PJVK: variants seen among roughly 807,000 people sequenced by gnomAD.
PJVK encodes the protein autosomal recessive deafness type 59 protein.
A neutral mutation model predicts 37.6 loss-of-function variants in PJVK; 33 were observed. That is an observed-to-expected ratio of 0.88 (90% confidence interval 0.67 to 1.17). The LOEUF (loss-of-function observed/expected upper bound fraction) is 1.17, where lower values mean the gene tolerates loss of function less well. Among genes scored for constraint, PJVK ranks in the 50% most tolerant of loss-of-function variants. PJVK has a pLI of 0.00. For missense variants in PJVK, 410 were observed against 413.8 expected (o/e 0.99, Z 0.08); for synonymous variants, 141 against 143.5 (o/e 0.98, Z 0.13).
intron 4 of PJVK, among the ~76,000 whole-genome samples, chr2:178,457,756 G>A (rs1034743268): frequency 4.6e-5 from 7 of 152,112 alleles, no homozygotes; most frequent in African/African-American, 1.7e-4. Flanking sequence ...AGGACTTGGC[G>A]GGGACACCTT....
intron 1 of PJVK, 44 bp from the exon 2 acceptor site, chr2:178,453,344 G>T: frequency 6.6e-7 from 1 of 1,511,564 alleles, no homozygotes; most frequent in Non-Finnish European, 9.2e-7. Flanking sequence ...TTAATTTTGT[G>T]CCTGATTTTC....
Position 178,461,676 on chromosome 2 carries a change from C to T in PJVK, c.*402C>T, listed in dbSNP as rs1379544201. On this transcript the variant is annotated 3_prime_UTR_variant, in exon 7 of 7. Coordinates refer to ENST00000644580, the MANE Select transcript of PJVK (RefSeq NM_001042702.5). ...CTCAGCTCACTGCAACCTCTGCCTC[C>T]TGGGTTCAAGCAATTCTCTGCCTCA... Among the ~76,000 whole-genome samples the T allele has an allele frequency of 6.6e-6, 1 of 150,816 alleles. No homozygotes were observed. Among genetic ancestry groups the T allele is most frequent in the African/African-American group, 2.4e-5 (1 of 40,984 alleles).
intron 5 of PJVK, among the ~76,000 whole-genome samples, chr2:178,458,931 A>T (rs1353383460): frequency 6.6e-6 from 1 of 152,152 alleles, no homozygotes; most frequent in African/African-American, 2.4e-5. Flanking sequence ...ACATGGGGAG[A>T]TAATAAATGA....
chr2:178,455,151 T>C (rs1170790800), intron 3 of PJVK: 1 of 1,600,634 alleles, frequency 6.2e-7, no homozygotes, highest in Non-Finnish European at 8.6e-7. Flanking sequence ...GACGGCAAGG[T>C]GGTGACTGTG....
chr2:178,460,287 C>A, intron 5 of PJVK, 61 bp from the exon 6 acceptor site: 1 of 1,315,554 alleles, frequency 7.6e-7, no homozygotes. Flanking sequence ...TTCATCACCC[C>A]ATCAAACAAT....
chr2:178,455,304 T>C, intron 3 of PJVK: 1 of 1,349,302 alleles, frequency 7.4e-7, no homozygotes, highest in Non-Finnish European at 1.1e-6. Flanking sequence ...GAAAAGACAA[T>C]CTATGACCAG....
intron 1 of PJVK, 46 bp from the exon 2 acceptor site, chr2:178,453,342 G>C: frequency 6.7e-7 from 1 of 1,498,416 alleles, no homozygotes. Context: ...GCTTAATTTT[G>C]TGCCTGATTT....
chr2:178,454,562 T>A, intron 3 of PJVK, 35 bp downstream of exon 3: 1 of 1,586,806 alleles, frequency 6.3e-7, no homozygotes, highest in Non-Finnish European at 8.6e-7. Flanking sequence ...TTCAGTGTTT[T>A]CATTAAATAC....
intron 3 of PJVK, among the ~76,000 whole-genome samples, chr2:178,455,591 T>C (rs948637757): frequency 5.3e-5 from 8 of 151,554 alleles, no homozygotes; most frequent in Admixed American, 3.9e-4. Flanking sequence ...GGGCTTGGGG[T>C]CTTGTCCTCC....
In PJVK at chr2:178,460,494, G is replaced by A. The variant is rs1247966288; in HGVS notation, c.766+48G>A. Reference sequence around the variant, plus strand: ...TGAATGTCTTTTTTTTTTCTTTCCTGGCTTAACACATGAGGTTTTCTATTC... The same window carrying A: ...TGAATGTCTTTTTTTTTTCTTTCCTAGCTTAACACATGAGGTTTTCTATTC... On this transcript the variant is annotated intron_variant, in intron 6 of 6. Transcript: ENST00000644580. 7 of 1,505,354 alleles carry A rather than the reference G, an allele frequency of 4.7e-6. No individual in the cohort carries two copies. In the Middle Eastern group the frequency reaches 5.1e-4, roughly 110 times the overall value. The allele number at this position is 1,505,354 out of a possible 1,614,324, so 93.2% of individuals were successfully genotyped here. A position where few individuals can be genotyped will look rare whatever the true frequency, so the allele number is the denominator to read the frequency against.
intron 5 of PJVK, chr2:178,460,046 T>A: frequency 3.0e-6 from 1 of 330,734 alleles, no homozygotes; most frequent in Admixed American, 4.5e-5. Flanking sequence ...TCTTTCTTTA[T>A]GCTTATAAAA....
intron 2 of PJVK, 21 bp downstream of exon 2, chr2:178,453,641 G>T (rs776760567): frequency 1.9e-6 from 3 of 1,588,382 alleles, no homozygotes; most frequent in Admixed American, 3.4e-5. Context: ...ATGTTTGGGA[G>T]TGCCAACTCA....
At chr2:178,458,110 A>G (rs1684247478) in intron 4 of PJVK, among the ~76,000 whole-genome samples, 1 of 152,196 alleles carries the variant, frequency 6.6e-6, no homozygotes, top group Non-Finnish European at 1.5e-5. Flanking sequence ...CTTGATTGTT[A>G]GCGATTGCTT....
At position 178,456,092 on chromosome 2, in the gene PJVK, C is replaced by T. The variant is rs750448421; in HGVS notation, c.490C>T (p.Arg164Ter). 1.1e-5 allele frequency: 17 copies of T among 1,613,964 alleles called. No homozygotes were observed. The highest frequency in any genetic ancestry group is 2.2e-5 in the East Asian group (1 of 44,890). Residue 164 changes from arginine (R) to a stop codon, truncating the protein, a stop_gained, in exon 4 of 7, where the codon CGA becomes TGA. Transcript: ENST00000644580. LOFTEE classifies it high-confidence loss of function. ...AVLCVVMESI[R>*]TTRQCSLSVH... is the part of the protein sequence containing the mutation. Reference sequence around the variant, plus strand: ...ATTGTGTGTGGTCATGGAGAGCATCCGAACCACACGACAGTGCTCACTGTC... The same window carrying T: ...ATTGTGTGTGGTCATGGAGAGCATCTGAACCACACGACAGTGCTCACTGTC...
At position 178,462,054 on chromosome 2, in the gene PJVK, A is replaced by G. The variant is rs1684531189; in HGVS notation, c.*780A>G. 6.6e-6 allele frequency among the ~76,000 whole-genome samples: 1 copy of G among 152,186 alleles called. No homozygotes were observed. The highest frequency in any genetic ancestry group is 1.9e-4 in the East Asian group (1 of 5,198). ...AAAAATGTGTTAATAATTTAATGCA[A>G]TCTTAAATGTTTAATTGCAGTATCA... On this transcript the variant is annotated 3_prime_UTR_variant, in exon 7 of 7. Coordinates refer to ENST00000644580, the MANE Select transcript of PJVK (RefSeq NM_001042702.5).
At chr2:178,455,970 G>A (rs966269425) in intron 3 of PJVK, 40 bp from the exon 4 acceptor site, 2 of 1,605,914 alleles carry the variant, frequency 1.2e-6, no homozygotes, top group African/African-American at 2.7e-5. Flanking sequence ...TGTGTAATTA[G>A]ATGTTATAGA....
At position 178,454,326 on chromosome 2, in the gene PJVK, A is replaced by G. The variant is rs780971590; in HGVS notation, c.212-6A>G. 1.9e-6 allele frequency: 3 copies of G among 1,607,916 alleles called. No homozygotes were observed. The highest frequency in any genetic ancestry group is 2.6e-6 in the Non-Finnish European group (3 of 1,175,518). Reference sequence around the variant, plus strand: ...TTTAAAAAATACTGAGTTTCTTCTTATAAAGGTATTTCATCTTATCAATTA... The same window carrying G: ...TTTAAAAAATACTGAGTTTCTTCTTGTAAAGGTATTTCATCTTATCAATTA... On this transcript the variant is annotated splice_region_variant and splice_polypyrimidine_tract_variant and intron_variant, in intron 2 of 6. Transcript: ENST00000644580.
chr2:178,459,038 A>G (rs1322807912), intron 5 of PJVK, among the ~76,000 whole-genome samples: 1 of 152,172 alleles, frequency 6.6e-6, no homozygotes, highest in African/African-American at 2.4e-5. Flanking sequence ...GCCTCTAAAG[A>G]CAGCTTTTCT....
chr2:178,455,264 G>A (rs1350235815), intron 3 of PJVK: 1 of 1,476,774 alleles, frequency 6.8e-7, no homozygotes, highest in African/African-American at 1.4e-5. Flanking sequence ...CAAGCTGTCA[G>A]ACCTGGACAG....
Sources: allele counts gnomAD v4.1 joint callset (sites outside exome capture counted in the v4.1 genomes callset), GRCh38; gene constraint gnomAD v4.1.1; transcripts MANE v1.5; gene names NCBI Gene and HGNC (gene_info 2026-07-23, HGNC 2026-07-21).